The following GYS1 variants were observed in gnomAD, a reference collection of about 807,000 sequenced individuals.
GYS1 encodes the protein glycogen [starch] synthase, muscle.
A neutral mutation model predicts 89.1 loss-of-function variants in GYS1; 60 were observed. The ratio of observed to expected loss-of-function variants is 0.67; its 90% CI spans 0.55 to 0.84. GYS1 has a LOEUF of 0.84. GYS1 is among the 40% of genes least tolerant of loss of function. The pLI, the probability that GYS1 is intolerant of heterozygous loss-of-function variation, is 0.00. For synonymous variants in GYS1, 366 were observed against 401.7 expected (o/e 0.91, Z 1.06); for missense variants, 888 against 1,003.1 (o/e 0.89, Z 1.55).
rs143040823 is a variant in GYS1, at chr19:48,970,547, C to G, written c.1808G>C (p.Arg603Pro). The stretch of plus-strand genomic sequence containing the variant: ...AGGATAGGAAAGTGGGGGTCCTACC[C>G]GGCCTAGGTATTTCCAGTCCAGAAG... The part of the protein sequence containing the change: ...SDLLDWKYLG[R>P]YYMSARHMAL... The change falls in exon 14 of 16, where the codon CGG becomes CCG. Residue 603 changes from arginine (R) to proline (P), a missense_variant and splice_region_variant. Transcript: ENST00000323798. 1 of 1,613,186 alleles carries G rather than the reference C, an allele frequency of 6.2e-7. No homozygotes were observed. The highest frequency in any genetic ancestry group is 1.3e-5 in the African/African-American group (1 of 75,020).
At chr19:48,983,280 C>G (rs1318077023) in intron 5 of GYS1, among the ~76,000 whole-genome samples, 1 of 152,170 alleles carries the variant, frequency 6.6e-6, no homozygotes, top group African/African-American at 2.4e-5. Flanking sequence ...TGTGAGCCAC[C>G]ATGCCTGGCC....
At chr19:48,974,832 CAA>C in intron 10 of GYS1, 99 bp from the exon 11 acceptor site, 3 of 791,594 alleles carry the variant, frequency 3.8e-6, no homozygotes, top group Non-Finnish European at 6.6e-6. Flanking sequence ...AAGGAGACCA[CAA>C]ATGCACCGGA....
Position 48,968,852 on chromosome 19 carries a change from G to A in GYS1, c.*436C>T, listed in dbSNP as rs750640569. 12 of 462,068 alleles carry A rather than the reference G, an allele frequency of 2.6e-5. No homozygotes were observed. Among genetic ancestry groups the A allele is most frequent in the Admixed American group, 1.4e-4 (6 of 42,750 alleles). The allele number at this position is 462,068 out of a possible 1,614,324, so 28.6% of individuals were successfully genotyped here. On this transcript the variant is annotated 3_prime_UTR_variant, in exon 16 of 16. Coordinates refer to ENST00000323798, the MANE Select transcript of GYS1 (RefSeq NM_002103.5). ...ATCGCCCCATTCGCAGGGACACCAC[G>A]TGGTTTCCAGAACTTGGTGGCCCGC...
At chr19:48,970,267 G>A (rs2038540367) in intron 14 of GYS1, 2 of 479,800 alleles carry the variant, frequency 4.2e-6, no homozygotes, top group South Asian at 4.2e-5. Flanking sequence ...TGGGACTACA[G>A]GCACGCACCA....
intron 2 of GYS1, among the ~76,000 whole-genome samples, chr19:48,990,757 C>T (rs1450740859): frequency 2.0e-5 from 3 of 152,204 alleles, no homozygotes; most frequent in African/African-American, 7.2e-5. Flanking sequence ...CCTGCTCCTT[C>T]CTGACCTCAG....
At position 48,976,251 on chromosome 19, in the gene GYS1, A is replaced by G. The variant is rs377039748; in HGVS notation, c.1309-1518T>C. 7.2e-4 allele frequency among the ~76,000 whole-genome samples: 109 copies of G among 152,276 alleles called. No homozygotes were observed. In the South Asian group the frequency reaches 0.01, roughly 14 times the overall value. On this transcript the variant is annotated intron_variant, in intron 10 of 15. Coordinates refer to ENST00000323798, the MANE Select transcript of GYS1 (RefSeq NM_002103.5). ...AGTTCACGTTTTGTTTCTACAACTTAGCTGTCTGGGTTTCCATTCCCCAGG... is the reference window on the plus strand; with the variant it reads ...AGTTCACGTTTTGTTTCTACAACTTGGCTGTCTGGGTTTCCATTCCCCAGG...
At chr19:48,971,158 CCCA>C in intron 12 of GYS1, 135 bp from the exon 13 acceptor site, 1 of 723,406 alleles carries the variant, frequency 1.4e-6, no homozygotes, top group Non-Finnish European at 2.6e-6. Flanking sequence ...TCGCTGAGCC[CCCA>C]CAACCAGGCT....
Position 48,981,637 on chromosome 19 carries a change from C to G in GYS1, c.1063-1G>C. ...CCACTGTCTGCTCGCTGCCGTTCAC[C>G]TGCGCAGAAAGAAAGGAGGGGGAGG... On this transcript the variant is annotated splice_acceptor_variant, in intron 7 of 15. Transcript: ENST00000323798. LOFTEE classifies it high-confidence loss of function. 4 of 1,601,464 alleles carry G rather than the reference C, an allele frequency of 2.5e-6. No homozygotes were observed. In the South Asian group the frequency reaches 4.4e-5, roughly 18 times the overall value.
Position 48,987,397 on chromosome 19 carries a change from T to C in GYS1, c.301-12A>G, listed in dbSNP as rs1228577050. 5 of 1,578,994 alleles carry C rather than the reference T, an allele frequency of 3.2e-6. No homozygotes were observed. The highest frequency in any genetic ancestry group is 4.3e-6 in the Non-Finnish European group (5 of 1,160,948). ...CGCCCGAAATACACCTGGGATGGGG[T>C]TGGGGAGGCACCATAGGGAGGCTCT... On this transcript the variant is annotated splice_polypyrimidine_tract_variant and intron_variant, in intron 2 of 15. Transcript: ENST00000323798.
intron 12 of GYS1, among the ~76,000 whole-genome samples, chr19:48,971,321 A>G (rs1283933106): frequency 6.6e-6 from 1 of 152,178 alleles, no homozygotes; most frequent in African/African-American, 2.4e-5. Context: ...TAACTCTCAC[A>G]ACCTGTAGGA....
At position 48,968,545 on chromosome 19, in the gene GYS1, G is replaced by C; in HGVS notation, c.*743C>G. ...ATCTCAGATTTAGAAAGGAAGAGTA[G>C]GATCTGGTCCAGAAAGGGCCAGAAA... is the stretch of plus-strand genomic sequence containing the variant. On this transcript the variant is annotated 3_prime_UTR_variant, in exon 16 of 16. Transcript: ENST00000323798. 2.2e-6 allele frequency: 1 copy of C among 454,546 alleles called. No homozygotes were observed. The highest frequency in any genetic ancestry group is 1.6e-5 in the South Asian group (1 of 64,474). The allele number at this position is 454,546 out of a possible 1,614,324, so 28.2% of individuals were successfully genotyped here.
intron 10 of GYS1, among the ~76,000 whole-genome samples, chr19:48,976,732 G>A (rs951363202): frequency 2.0e-5 from 3 of 152,048 alleles, no homozygotes. Context: ...TTCTTTTATG[G>A]CTGTCTTGAC....
At position 48,969,923 on chromosome 19, in the gene GYS1, G is replaced by T. The variant is rs368649414; in HGVS notation, c.1810-68C>A. Reference sequence around the variant, plus strand: ...GCCCCACCCCCAGGCAGATGATGGGGGTCTTGGCCACACCCTTTATGCAGA... The same window carrying T: ...GCCCCACCCCCAGGCAGATGATGGGTGTCTTGGCCACACCCTTTATGCAGA... On this transcript the variant is annotated intron_variant, in intron 14 of 15. Coordinates refer to ENST00000323798, the MANE Select transcript of GYS1 (RefSeq NM_002103.5). The T allele has an allele frequency of 1.3e-4, 134 of 1,062,672 alleles. 1 individual carries two copies. The East Asian group carries it at 1.3e-3, about 10-fold the overall frequency. The allele number at this position is 1,062,672 out of a possible 1,614,324, so 65.8% of individuals were successfully genotyped here.
At position 48,981,543 on chromosome 19, in the gene GYS1, G is replaced by A. The variant is rs868354195; in HGVS notation, c.1156C>T (p.Arg386Cys). ...NVETLKGQAV[R>C]KQLWDTANTV... is the part of the protein sequence containing the mutation. ...AGGGCTGCTAACCAAAGCTGTTTGCGCACAGCTTGGCCTTTGAGGGTTTCC... is the reference window on the plus strand; with the variant it reads ...AGGGCTGCTAACCAAAGCTGTTTGCACACAGCTTGGCCTTTGAGGGTTTCC... Residue 386 changes from arginine (R) to cysteine (C), a missense_variant, in exon 8 of 16, where the codon CGC becomes TGC. Physicochemically the swap from Arg to Cys is radical, Grantham distance 180. Coordinates refer to ENST00000323798, the MANE Select transcript of GYS1 (RefSeq NM_002103.5). The A allele has an allele frequency of 1.9e-6, 3 of 1,602,224 alleles. No individual in the cohort carries two copies. Among genetic ancestry groups the A allele is most frequent in the South Asian group, 1.1e-5 (1 of 90,830 alleles).
chr19:48,978,693 G>A (rs556272384), intron 8 of GYS1, among the ~76,000 whole-genome samples: 25 of 151,512 alleles, frequency 1.7e-4, no homozygotes, highest in Non-Finnish European at 2.7e-4. Flanking sequence ...CACCATGCCC[G>A]GCTAATTTTT....
At position 48,969,474 on chromosome 19, in the gene GYS1, A is replaced by T. The variant is rs779233570; in HGVS notation, c.2028T>A (p.Asp676Glu). Residue 676 changes from aspartate (D) to glutamate (E), a missense_variant, in exon 16 of 16, where the codon GAT (aspartate) becomes GAA (glutamate). Asp to Glu is a conservative substitution (Grantham distance 45). Transcript: ENST00000323798. Reference protein sequence around the residue: ...GPLEEDGERYDEDEEAAKDRR... With the variant: ...GPLEEDGERYEEDEEAAKDRR... ...GGTCCTTGGCGGCCTCCTCGTCCTCATCGTAGCGCTCGCCGTCTTCCTCCA... is the reference window on the plus strand; with the variant it reads ...GGTCCTTGGCGGCCTCCTCGTCCTCTTCGTAGCGCTCGCCGTCTTCCTCCA... The T allele has an allele frequency of 3.2e-6, 5 of 1,545,232 alleles. No individual in the cohort carries two copies. The highest frequency in any genetic ancestry group is 4.4e-6 in the Non-Finnish European group (5 of 1,146,896).
chr19:48,973,966 CTT>C (rs199569825), intron 12 of GYS1, among the ~76,000 whole-genome samples: 2,691 of 152,304 alleles, frequency 0.018, 72 homozygotes, highest in African/African-American at 0.061. Flanking sequence ...GGGGCCACTG[CTT>C]TCTGGGAGAA....
In GYS1 at chr19:48,991,150, C is replaced by T; in HGVS notation, c.300+152G>A. 2.6e-6 allele frequency: 2 copies of T among 780,330 alleles called. No individual in the cohort carries two copies. Among genetic ancestry groups the T allele is most frequent in the Non-Finnish European group, 4.3e-6 (2 of 462,456 alleles). 48.3% of individuals were successfully genotyped at this position (780,330 alleles called of 1,614,324 possible). ...ACCCACCCACTTCCAGGCCCTGCAT[C>T]TGTCTGGGTGTCCTATCACGCCTCC... On this transcript the variant is annotated intron_variant, in intron 2 of 15. Transcript: ENST00000323798. The surrounding 1 kb of genome is among the most constrained non-coding windows in gnomAD (Gnocchi z 4.7).
In GYS1 at chr19:48,982,330, G is replaced by A. The variant is rs180906371; in HGVS notation, c.987C>T (p.Ala329=). The A allele has an allele frequency of 5.8e-5, 93 of 1,613,762 alleles. 1 individual carries two copies. The East Asian group carries it at 1.8e-3, about 31-fold the overall frequency. The part of the protein sequence containing the change: ...NLDKTLYFFI[A]GRYEFSNKGA... ...CCTTGTTGGAGAACTCATAGCGGCC[G>A]GCGATAAAGAAGTATAAGGTCTTGT... Residue 329 remains alanine, a synonymous_variant, in exon 7 of 16, where the codon GCC becomes GCT. Coordinates refer to ENST00000323798, the MANE Select transcript of GYS1 (RefSeq NM_002103.5).
Sources: gnomAD v4.1 joint callset for allele counts (sites outside exome capture counted in the v4.1 genomes callset) on GRCh38, gnomAD v4.1.1 for gene constraint, Gnocchi (gnomAD v3.1) non-coding constraint, MANE v1.5 for transcripts, NCBI Gene and HGNC (gene_info 2026-07-23, HGNC 2026-07-21) for gene names.